RUBCNL: variants seen among roughly 807,000 people sequenced by gnomAD.
The protein encoded by RUBCNL is rubicon like autophagy enhancer, also known as protein associated with UVRAG as autophagy enhancer.
RUBCNL carries 62 observed loss-of-function variants against 69.5 expected under a neutral mutation model. The ratio of observed to expected loss-of-function variants is 0.89; its 90% CI spans 0.73 to 1.10. RUBCNL has a LOEUF of 1.10. Among genes scored for constraint, RUBCNL ranks in the 50% least tolerant of loss-of-function variants. RUBCNL has a pLI of 0.00. For missense variants in RUBCNL, 768 were observed against 798.1 expected, an observed-to-expected ratio of 0.96 and a Z score of 0.45; for synonymous variants, 291 against 303.6, an observed-to-expected ratio of 0.96 and a Z score of 0.43.
chr13:46,348,032 C>T (rs999657087), intron 12 of RUBCNL, among the ~76,000 whole-genome samples: 1 of 152,166 alleles, frequency 6.6e-6, no homozygotes, highest in Admixed American at 6.5e-5. Flanking sequence ...CATGCTACAA[C>T]ATGAATGAAC....
At chr13:46,360,704 C>G (rs1050101890) in intron 8 of RUBCNL, among the ~76,000 whole-genome samples, 1 of 152,196 alleles carries the variant, frequency 6.6e-6, no homozygotes, top group Non-Finnish European at 1.5e-5. Flanking sequence ...TTCCCTACCC[C>G]TGTTTTAGCC....
rs1033908253 is a variant in RUBCNL at position 46,340,184 on chromosome 13, A to G, written c.*3201T>C. 2.0e-5 allele frequency among the ~76,000 whole-genome samples: 3 copies of G among 152,024 alleles called. No individual in the cohort carries two copies. Among genetic ancestry groups the G allele is most frequent in the Admixed American group, 6.5e-5 (1 of 15,270 alleles). ...CCTAATGCACTATGTCCTCATCCTA[A>G]CTTAACCACCTCTGCAAAGACCCTA... On this transcript the variant is annotated 3_prime_UTR_variant, in exon 15 of 15. Coordinates refer to ENST00000429979, the MANE Select transcript of RUBCNL (RefSeq NM_025113.5).
chr13:46,382,040 A>C (rs543913887), intron 1 of RUBCNL, among the ~76,000 whole-genome samples: 5 of 152,174 alleles, frequency 3.3e-5, no homozygotes, highest in Admixed American at 1.3e-4. Context: ...GCCTCAAGCA[A>C]TCCTCCCAGT....
intron 4 of RUBCNL, 66 bp from the exon 5 acceptor site, chr13:46,368,315 T>A (rs1007515405): frequency 1.3e-6 from 2 of 1,507,178 alleles, no homozygotes; most frequent in African/African-American, 1.4e-5. Flanking sequence ...TATATTAGAT[T>A]TGAAAAATCA....
chr13:46,368,252 G>A lies in RUBCNL; in HGVS notation c.619-3C>T. 1 of 1,609,754 alleles carries A rather than the reference G, an allele frequency of 6.2e-7. No homozygotes were observed. The highest frequency in any genetic ancestry group is 1.7e-5 in the Admixed American group (1 of 59,410). On this transcript the variant is annotated splice_polypyrimidine_tract_variant and splice_region_variant and intron_variant, in intron 4 of 14. Transcript: ENST00000429979. ...GCAACATAAAAGTGGGCATTTTCCT[G>A]CAGAAAAAGAAATCAATTAAAATAC...
At chr13:46,366,381 G>A (rs1387883128) in intron 5 of RUBCNL, among the ~76,000 whole-genome samples, 1 of 152,204 alleles carries the variant, frequency 6.6e-6, no homozygotes, top group African/African-American at 2.4e-5. Flanking sequence ...GTAGAAGTAG[G>A]TAGGCTACAG....
chr13:46,363,860 C>CA (rs752140692), intron 5 of RUBCNL, among the ~76,000 whole-genome samples: 963 of 89,458 alleles, frequency 0.011, 12 homozygotes, highest in African/African-American at 0.033. Flanking sequence ...GACCCTGTCT[C>CA]AAAAAAAAAA....
intron 14 of RUBCNL, among the ~76,000 whole-genome samples, chr13:46,344,372 C>A (rs985459972): frequency 7.9e-5 from 12 of 152,188 alleles, no homozygotes; most frequent in Non-Finnish European, 1.5e-4. Flanking sequence ...GTGGTCTCTA[C>A]AACAGCTACT....
chr13:46,379,822 C>T (rs1375374896), intron 1 of RUBCNL, among the ~76,000 whole-genome samples: 2 of 152,204 alleles, frequency 1.3e-5, no homozygotes, highest in Non-Finnish European at 2.9e-5. Flanking sequence ...AACTTCTTCC[C>T]TTCTTTCTCA....
At chr13:46,359,723 A>C (rs1270984284) in intron 8 of RUBCNL, 92 bp from the exon 9 acceptor site, 5 of 1,240,848 alleles carry the variant, frequency 4.0e-6, no homozygotes, top group Admixed American at 2.8e-5. Context: ...CCAACATTAA[A>C]ATTTACCATG....
chr13:46,335,341 T>C lies in RUBCNL; in HGVS notation c.*8044A>G, dbSNP rs1339973692. Among the ~76,000 whole-genome samples the C allele has an allele frequency of 1.4e-5, 2 of 147,862 alleles. No homozygotes were observed. The highest frequency in any genetic ancestry group is 5.0e-5 in the African/African-American group (2 of 39,630). On this transcript the variant is annotated 3_prime_UTR_variant, in exon 15 of 15. Transcript: ENST00000429979. ...CTGGTCACAAACTCCTGGGCTCAAGTCATCCTCCTGCATTGGCCTCCCAAA... is the reference window on the plus strand; with the variant it reads ...CTGGTCACAAACTCCTGGGCTCAAGCCATCCTCCTGCATTGGCCTCCCAAA...
intron 7 of RUBCNL, among the ~76,000 whole-genome samples, chr13:46,362,240 AAAC>A (rs775277323): frequency 5.3e-5 from 8 of 152,194 alleles, no homozygotes; most frequent in Non-Finnish European, 8.8e-5. Context: ...TCGGTCTCAA[AAAC>A]AACAACAACA....
Position 46,335,896 on chromosome 13 carries a change from T to A in RUBCNL, c.*7489A>T, listed in dbSNP as rs2048102273. Among the ~76,000 whole-genome samples, 1 of 152,224 alleles carries A rather than the reference T, an allele frequency of 6.6e-6. No homozygotes were observed. The highest frequency in any genetic ancestry group is 2.1e-4 in the South Asian group (1 of 4,838). ...GGCTGCTGAGTACCAGCCTCTGGGCTGAAGCTACAAATTTAGAGTCATTCA... is the reference window on the plus strand; with the variant it reads ...GGCTGCTGAGTACCAGCCTCTGGGCAGAAGCTACAAATTTAGAGTCATTCA... On this transcript the variant is annotated 3_prime_UTR_variant, in exon 15 of 15. Transcript: ENST00000429979.
At position 46,340,268 on chromosome 13, in the gene RUBCNL, G is replaced by A. The variant is rs757151812; in HGVS notation, c.*3117C>T. ...AGACCTTTAACATATTCTTTCATGG[G>A]ACACAATTCAACCCACAACAGTAGC... is the stretch of plus-strand genomic sequence containing the variant. On this transcript the variant is annotated 3_prime_UTR_variant, in exon 15 of 15. Coordinates refer to ENST00000429979, the MANE Select transcript of RUBCNL (RefSeq NM_025113.5). Among the ~76,000 whole-genome samples, 6 of 152,114 alleles carry A rather than the reference G, an allele frequency of 3.9e-5. No individual in the cohort carries two copies. Among genetic ancestry groups the A allele is most frequent in the Non-Finnish European group, 7.4e-5 (5 of 68,020 alleles).
At chr13:46,378,413 A>G (rs1269603305) in intron 1 of RUBCNL, 3 of 154,474 alleles carry the variant, frequency 1.9e-5, no homozygotes, top group African/African-American at 7.2e-5. Context: ...TTCCAAAAAC[A>G]TTTAAGGGAA....
intron 1 of RUBCNL, chr13:46,385,298 C>A: frequency 1.0e-6 from 1 of 981,186 alleles, no homozygotes. Flanking sequence ...TCTTTCAGCT[C>A]CTTTTAATTA....
chr13:46,378,000 T>C lies in RUBCNL; in HGVS notation c.-233A>G. On this transcript the variant is annotated 5_prime_UTR_variant, in exon 2 of 15. Transcript: ENST00000429979. Reference sequence around the variant, plus strand: ...AGGAGGTCAATATCCCCATTTTTTATTTTATCTGTAAGGCAAAAAACAATT... The same window carrying C: ...AGGAGGTCAATATCCCCATTTTTTACTTTATCTGTAAGGCAAAAAACAATT... 1 of 1,544,224 alleles carries C rather than the reference T, an allele frequency of 6.5e-7. No homozygotes were observed. Among genetic ancestry groups the C allele is most frequent in the Non-Finnish European group, 8.7e-7 (1 of 1,145,734 alleles).
intron 5 of RUBCNL, among the ~76,000 whole-genome samples, chr13:46,364,260 G>C (rs1209249725): frequency 6.6e-6 from 1 of 151,876 alleles, no homozygotes; most frequent in Non-Finnish European, 1.5e-5. Flanking sequence ...AGCCAGGTGT[G>C]GTGGCAGGTG....
Position 46,362,956 on chromosome 13 carries a change from A to C in RUBCNL, c.925+159T>G, listed in dbSNP as rs1413101996. ...TATATATAGATATATATATATATAT[A>C]TATATATATATATATATATCAGGGC... On this transcript the variant is annotated intron_variant, in intron 6 of 14. Coordinates refer to ENST00000429979, the MANE Select transcript of RUBCNL (RefSeq NM_025113.5). Among the ~76,000 whole-genome samples, 47 of 70,828 alleles carry C rather than the reference A, an allele frequency of 6.6e-4. 3 individuals carry two copies. Among genetic ancestry groups the C allele is most frequent in the Admixed American group, 1.2e-3 (8 of 6,884 alleles). 46.5% of individuals were successfully genotyped at this position (70,828 alleles called of 152,430 possible). A position where few individuals can be genotyped will look rare whatever the true frequency, so the allele number is the denominator to read the frequency against.
Sources: allele counts gnomAD v4.1 joint callset (sites outside exome capture counted in the v4.1 genomes callset), GRCh38; gene constraint gnomAD v4.1.1; transcripts MANE v1.5; gene names NCBI Gene and HGNC (gene_info 2026-07-23, HGNC 2026-07-21).